The following CNST variants were observed in gnomAD, a reference collection of about 807,000 sequenced individuals.
CNST encodes the protein consortin, connexin sorting protein.
CNST carries 39 observed loss-of-function variants against 72.4 expected under a neutral mutation model. The ratio of observed to expected loss-of-function variants is 0.54; its 90% CI spans 0.42 to 0.70. CNST has a LOEUF of 0.70. Ranked by LOEUF, CNST falls within the 30% of genes least tolerant of loss-of-function variation. The pLI is 0.00. For missense variants in CNST, 871 were observed against 868.5 expected (o/e 1.00, Z -0.04); for synonymous variants, 332 against 320.1 (o/e 1.04, Z -0.40).
chr1:246,660,649 C>T (rs377011317), intron 10 of CNST, among the ~76,000 whole-genome samples: 4 of 152,090 alleles, frequency 2.6e-5, no homozygotes, highest in East Asian at 3.9e-4. Context: ...CGCTTGAACC[C>T]GGGAGACAGG....
chr1:246,659,452 G>A (rs950815024), intron 9 of CNST, among the ~76,000 whole-genome samples: 19 of 152,122 alleles, frequency 1.2e-4, no homozygotes, highest in South Asian at 2.1e-4. Context: ...AAAATTAGCC[G>A]AGCATGGTGG....
At chr1:246,616,786 C>A (rs976284730) in intron 2 of CNST, among the ~76,000 whole-genome samples, 62 of 152,020 alleles carry the variant, frequency 4.1e-4, no homozygotes, top group Non-Finnish European at 1.9e-4. Context: ...ATCTCTTGAC[C>A]TCATGATCCG....
intron 3 of CNST, among the ~76,000 whole-genome samples, chr1:246,625,761 G>T (rs1464168568): frequency 6.6e-6 from 1 of 151,992 alleles, no homozygotes; most frequent in Non-Finnish European, 1.5e-5. Flanking sequence ...AACATTCTGG[G>T]CAAGAATTTA....
At chr1:246,599,569 A>T (rs955874873) in intron 2 of CNST, among the ~76,000 whole-genome samples, 1 of 152,106 alleles carries the variant, frequency 6.6e-6, no homozygotes, top group Admixed American at 6.5e-5. Flanking sequence ...GTCCCTTGTG[A>T]TTACACTGGG....
At chr1:246,614,524 T>G (rs1055371097) in intron 2 of CNST, among the ~76,000 whole-genome samples, 1 of 150,938 alleles carries the variant, frequency 6.6e-6, no homozygotes, top group Non-Finnish European at 1.5e-5. Context: ...TTTTTTTTTT[T>G]TTTTTGGAGA....
chr1:246,649,579 A>G (rs973306653), intron 9 of CNST, among the ~76,000 whole-genome samples: 2 of 152,074 alleles, frequency 1.3e-5, no homozygotes, highest in Non-Finnish European at 2.9e-5. Context: ...GGGAGAACCC[A>G]TGTGGTCTAA....
chr1:246,642,150 T>TTTTTTTTTTTTTTTTTTTC, intron 8 of CNST, 113 bp downstream of exon 8: 2 of 597,328 alleles, frequency 3.3e-6, no homozygotes, highest in African/African-American at 4.1e-5. Flanking sequence ...TTTTTTTTTT[T>TTTTTTTTTTTTTTTTTTTC]TTTTGCACTT....
chr1:246,657,304 T>C (rs1330492668), intron 9 of CNST, among the ~76,000 whole-genome samples: 2 of 152,136 alleles, frequency 1.3e-5, no homozygotes, highest in Non-Finnish European at 2.9e-5. Context: ...CACCGTCCCT[T>C]GTTCTCCATC....
intron 9 of CNST, among the ~76,000 whole-genome samples, chr1:246,653,763 T>G (rs987127927): frequency 6.6e-6 from 1 of 152,216 alleles, no homozygotes; most frequent in Non-Finnish European, 1.5e-5. Context: ...TGTACTGCTC[T>G]TCCTGGACTT....
intron 1 of CNST, among the ~76,000 whole-genome samples, chr1:246,576,413 A>AT (rs890629342): frequency 2.0e-5 from 3 of 147,094 alleles, no homozygotes; most frequent in African/African-American, 5.1e-5. Context: ...AACTTTATTG[A>AT]TTTTTTTTGC....
Position 246,647,322 on chromosome 1 carries a change from A to G in CNST, c.1121A>G (p.His374Arg). 1 of 1,614,158 alleles carries G rather than the reference A, an allele frequency of 6.2e-7. No individual in the cohort carries two copies. The highest frequency in any genetic ancestry group is 8.5e-7 in the Non-Finnish European group (1 of 1,180,026). The change falls in exon 9 of 11, where the codon CAC becomes CGC. Residue 374 changes from histidine to arginine, a missense_variant. Transcript: ENST00000366513. ...AGCGCTGAAGCCACGTTAGCGCTCC[A>G]CACCCAGTCCTCCGAGACAGCAGGG... is the stretch of plus-strand genomic sequence containing the variant. Reference protein sequence around the residue: ...LCSAEATLALHTQSSETAGSP... With the variant: ...LCSAEATLALRTQSSETAGSP...
chr1:246,642,527 C>CT (rs1199245155), intron 8 of CNST, among the ~76,000 whole-genome samples: 1 of 151,820 alleles, frequency 6.6e-6, no homozygotes, highest in Non-Finnish European at 1.5e-5. Flanking sequence ...ATATGATATA[C>CT]TTTAGTTTGT....
At chr1:246,632,644 C>G (rs1306751028) in intron 4 of CNST, among the ~76,000 whole-genome samples, 1 of 152,108 alleles carries the variant, frequency 6.6e-6, no homozygotes, top group African/African-American at 2.4e-5. Context: ...GAGCATTGCC[C>G]AGAGGAAGGT....
intron 2 of CNST, chr1:246,606,810 A>G (rs983422692): frequency 2.0e-5 from 3 of 152,188 alleles, no homozygotes; most frequent in African/African-American, 4.8e-5. Flanking sequence ...TTTGGAAGTA[A>G]GATGAATCCA....
intron 6 of CNST, among the ~76,000 whole-genome samples, chr1:246,635,278 G>T (rs1389631947): frequency 6.6e-6 from 1 of 151,768 alleles, no homozygotes; most frequent in Non-Finnish European, 1.5e-5. Flanking sequence ...TGTAGCAGGA[G>T]CATCGTCTGG....
intron 8 of CNST, among the ~76,000 whole-genome samples, chr1:246,646,443 A>G (rs553987102): frequency 6.6e-5 from 10 of 152,270 alleles, no homozygotes; most frequent in African/African-American, 2.4e-4. Flanking sequence ...ACTGAGGTTC[A>G]TCATGTAAAA....
At chr1:246,658,096 C>T (rs1421206024) in intron 9 of CNST, among the ~76,000 whole-genome samples, 4 of 152,126 alleles carry the variant, frequency 2.6e-5, no homozygotes, top group Admixed American at 1.3e-4. Flanking sequence ...ACTTCCTCCC[C>T]GCTTTTAAAA....
chr1:246,651,958 C>T (rs1368331030), intron 9 of CNST, among the ~76,000 whole-genome samples: 3 of 152,168 alleles, frequency 2.0e-5, no homozygotes, highest in South Asian at 4.1e-4. Flanking sequence ...ATTACAGATG[C>T]AGTGACTGAA....
chr1:246,633,557 A>G (rs538245622), intron 4 of CNST, among the ~76,000 whole-genome samples: 6 of 152,186 alleles, frequency 3.9e-5, no homozygotes, highest in South Asian at 2.1e-4. Flanking sequence ...CCTGGCTCAC[A>G]TGGTGAAACC....
Sources: allele counts gnomAD v4.1 joint callset (sites outside exome capture counted in the v4.1 genomes callset), GRCh38; gene constraint gnomAD v4.1.1; transcripts MANE v1.5; gene names NCBI Gene and HGNC (gene_info 2026-07-23, HGNC 2026-07-21).